NIPSNAP1: variants seen among roughly 807,000 people sequenced by gnomAD.
NIPSNAP1 encodes the protein protein NipSnap homolog 1.
A neutral mutation model predicts 49.2 loss-of-function variants in NIPSNAP1; 25 were observed. The ratio of observed to expected loss-of-function variants is 0.51; its 90% confidence interval spans 0.37 to 0.71. The LOEUF (loss-of-function observed/expected upper bound fraction) is 0.71. NIPSNAP1 is among the 30% of genes least tolerant of loss of function. The pLI is 0.00. For synonymous variants in NIPSNAP1, 143 were observed against 140.7 expected, an observed-to-expected ratio of 1.02 and a Z score of -0.12; for missense variants, 294 against 361.0, an observed-to-expected ratio of 0.81 and a Z score of 1.50.
chr22:29,580,639 C>T (rs2064490852), intron 1 of NIPSNAP1, among the ~76,000 whole-genome samples: 1 of 152,142 alleles, frequency 6.6e-6, no homozygotes, highest in African/African-American at 2.4e-5. Context: ...GAGCTGACTA[C>T]CAGAAGCCCC....
chr22:29,556,087 G>A (rs2064292596), intron 9 of NIPSNAP1, 88 bp from the exon 10 acceptor site: 14 of 1,171,768 alleles, frequency 1.2e-5, no homozygotes, highest in Non-Finnish European at 1.7e-5. Context: ...TGGCCTTTGA[G>A]TGGGCAGGAG....
chr22:29,561,797 T>G lies in NIPSNAP1; in HGVS notation c.433A>C (p.Asn145His). The G allele has an allele frequency of 6.2e-7, 1 of 1,614,108 alleles. No individual in the cohort carries two copies. The highest frequency in any genetic ancestry group is 8.5e-7 in the Non-Finnish European group (1 of 1,180,022). The change falls in exon 5 of 10, where the codon AAT becomes CAT. Residue 145 changes from asparagine (N) to histidine (H), a missense_variant. Asn to His is a moderately conservative substitution (Grantham distance 68, BLOSUM62 1). Around this residue, in one of 4 missense-constraint regions of NIPSNAP1, gnomAD observed 146 missense variants for 219.9 expected, o/e 0.66. Transcript: ENST00000216121. ...CTGAGTGGACACTAACATACCTTAT[T>G]GTTTTTGAGCTTGTTCATGCAGTCC... The part of the protein sequence containing the change: ...LMDCMNKLKN[N>H]KEYLEFRRER...
At chr22:29,564,992 A>G (rs2064359633) in intron 4 of NIPSNAP1, among the ~76,000 whole-genome samples, 1 of 151,770 alleles carries the variant, frequency 6.6e-6, no homozygotes, top group Non-Finnish European at 1.5e-5. Flanking sequence ...GTCTGAGATC[A>G]GCCTGGGCAA....
At position 29,555,661 on chromosome 22, in the gene NIPSNAP1, A is replaced by C. The variant is rs7609; in HGVS notation, c.*274T>G. ...TTGAGATGAGGAATTTTAGAAGATAAATGAAGGCCTAAAAGATCACTATCT... is the reference window on the plus strand; with the variant it reads ...TTGAGATGAGGAATTTTAGAAGATACATGAAGGCCTAAAAGATCACTATCT... On this transcript the variant is annotated 3_prime_UTR_variant, in exon 10 of 10. Transcript: ENST00000216121. 3.1e-3 allele frequency: 1,430 copies of C among 455,860 alleles called. 21 individuals are homozygous for C. Among genetic ancestry groups the C allele is most frequent in the African/African-American group, 0.026 (1,295 of 50,460 alleles). The allele number at this position is 455,860 out of a possible 1,614,324, so 28.2% of individuals were successfully genotyped here. A position where few individuals can be genotyped will look rare whatever the true frequency, so the allele number is the denominator to read the frequency against.
intron 1 of NIPSNAP1, among the ~76,000 whole-genome samples, chr22:29,576,927 A>C (rs937320789): frequency 6.7e-6 from 1 of 149,882 alleles, no homozygotes; most frequent in African/African-American, 2.5e-5. Context: ...TCCGTCTCAA[A>C]AAAAAAAAAA....
chr22:29,568,520 C>T (rs1169578768), intron 4 of NIPSNAP1, among the ~76,000 whole-genome samples: 62 of 131,344 alleles, frequency 4.7e-4, no homozygotes, highest in African/African-American at 7.5e-4. Flanking sequence ...AGGCCGGGTG[C>T]GGTGGCTCAC....
chr22:29,569,440 C>T (rs897758570), intron 3 of NIPSNAP1, among the ~76,000 whole-genome samples, 153 bp from the exon 4 acceptor site: 4 of 151,988 alleles, frequency 2.6e-5, no homozygotes, highest in Non-Finnish European at 4.4e-5. Context: ...TCAGGACTTC[C>T]GACACTGAAA....
chr22:29,556,038 A>G (rs2064292136), intron 9 of NIPSNAP1, 39 bp from the exon 10 acceptor site: 2 of 1,541,158 alleles, frequency 1.3e-6, no homozygotes, highest in Non-Finnish European at 1.8e-6. Flanking sequence ...AGGGGGCTCA[A>G]GCAAGCCAAC....
chr22:29,560,300 T>A (rs1601487763), intron 8 of NIPSNAP1, among the ~76,000 whole-genome samples: 1 of 151,022 alleles, frequency 6.6e-6, no homozygotes. Flanking sequence ...CAGGCTGGAG[T>A]GCAATGGCGT....
At chr22:29,559,609 C>G (rs986896097) in intron 8 of NIPSNAP1, among the ~76,000 whole-genome samples, 3 of 152,084 alleles carry the variant, frequency 2.0e-5, no homozygotes, top group Non-Finnish European at 4.4e-5. Context: ...TGCTCCTTCC[C>G]TAGACCTCCC....
intron 8 of NIPSNAP1, 39 bp from the exon 9 acceptor site, chr22:29,558,992 G>T: frequency 6.7e-7 from 1 of 1,490,782 alleles, no homozygotes; most frequent in Non-Finnish European, 9.3e-7. Context: ...AGGCACAGAG[G>T]ACTGGATCCC....
intron 6 of NIPSNAP1, 36 bp downstream of exon 6, chr22:29,561,470 T>C (rs754678599): frequency 1.5e-5 from 25 of 1,612,922 alleles, no homozygotes; most frequent in Middle Eastern, 1.7e-4. Flanking sequence ...AGCAGGGAAA[T>C]TGGGGGGCAG....
chr22:29,562,391 TA>T (rs1440629783), intron 4 of NIPSNAP1, among the ~76,000 whole-genome samples: 1 of 152,184 alleles, frequency 6.6e-6, no homozygotes, highest in East Asian at 1.9e-4. Context: ...GATGCTAATT[TA>T]TGCATCACCT....
intron 4 of NIPSNAP1, among the ~76,000 whole-genome samples, chr22:29,568,742 A>C (rs1250483023): frequency 6.6e-6 from 1 of 152,184 alleles, no homozygotes; most frequent in African/African-American, 2.4e-5. Flanking sequence ...CAGTGAGCCG[A>C]GATTGCACTA....
At chr22:29,563,517 A>C (rs1190723261) in intron 4 of NIPSNAP1, among the ~76,000 whole-genome samples, 1 of 152,142 alleles carries the variant, frequency 6.6e-6, no homozygotes, top group African/African-American at 2.4e-5. Flanking sequence ...AAAGAGCAAG[A>C]CTCCGTCTCA....
Position 29,581,040 on chromosome 22 carries a change from G to T in NIPSNAP1, c.43C>A (p.Leu15Met). ...GCGCGAGGCCCCGGGCCCCCCAGCA[G>T]CCGCCGCGCCGTCACAGAGATGCTG... ...LCSISVTARRLLGGPGPRAGD... is the reference protein window; with the variant it reads ...LCSISVTARRMLGGPGPRAGD... The change falls in exon 1 of 10, where the codon CTG becomes ATG. Residue 15 changes from leucine (L) to methionine (M), a missense_variant. By Grantham distance (15) the Leu-to-Met change is conservative. Around this residue, in one of 4 missense-constraint regions of NIPSNAP1, gnomAD observed 88 missense variants for 76.1 expected, o/e 1.16. Coordinates refer to ENST00000216121, the MANE Select transcript of NIPSNAP1 (RefSeq NM_003634.4). The T allele has an allele frequency of 3.2e-6, 5 of 1,538,924 alleles. No homozygotes were observed. The South Asian group carries it at 6.0e-5, about 18-fold the overall frequency.
At chr22:29,558,126 T>C (rs1286060271) in intron 9 of NIPSNAP1, among the ~76,000 whole-genome samples, 6 of 152,070 alleles carry the variant, frequency 3.9e-5, no homozygotes, top group Non-Finnish European at 5.9e-5. Flanking sequence ...TTCAAAAACA[T>C]TTCCTGCATG....
At chr22:29,576,287 TG>T (rs1178535007) in intron 1 of NIPSNAP1, among the ~76,000 whole-genome samples, 3 of 151,100 alleles carry the variant, frequency 2.0e-5, no homozygotes, top group East Asian at 3.9e-4. Flanking sequence ...CCCAAAGTGA[TG>T]GGATTACAGG....
At chr22:29,569,373 C>A in intron 3 of NIPSNAP1, 86 bp from the exon 4 acceptor site, 1 of 982,638 alleles carries the variant, frequency 1.0e-6, no homozygotes, top group East Asian at 2.5e-5. Flanking sequence ...CAAACAGACC[C>A]TGGGGCTGGG....
Sources: gnomAD v4.1 joint callset for allele counts (sites outside exome capture counted in the v4.1 genomes callset) on GRCh38, gnomAD v4.1.1 for gene constraint, gnomAD v4.1.1 regional missense constraint, MANE v1.5 for transcripts, NCBI Gene and HGNC (gene_info 2026-07-23, HGNC 2026-07-21) for gene names.